DOCK4: variants seen among roughly 807,000 people sequenced by gnomAD.
DOCK4 encodes dedicator of cytokinesis 4, also known as dedicator of cytokinesis protein 4.
Under a neutral mutation model 268.1 loss-of-function variants are expected in DOCK4, and 97 were observed. That is an observed-to-expected ratio of 0.36 (90% CI 0.31 to 0.43). The LOEUF is 0.43. DOCK4 is among the 20% of genes least tolerant of loss of function. The pLI, the probability that DOCK4 is intolerant of heterozygous loss-of-function variation, is 1.00. For synonymous variants in DOCK4, 954 were observed against 887.2 expected, an observed-to-expected ratio of 1.08 and a Z score of -1.34; for missense variants, 2,145 against 2,455.7, an observed-to-expected ratio of 0.87 and a Z score of 2.67.
chr7:112,066,497 CCTCTCTCTCT>C (rs750323799), intron 1 of DOCK4, among the ~76,000 whole-genome samples: 1 of 129,964 alleles, frequency 7.7e-6, no homozygotes, highest in Non-Finnish European at 1.5e-5. Flanking sequence ...TCTCTCTCTC[CCTCTCTCTCT>C]CTCTCTATAT....
rs140726249 is a variant in DOCK4, at chr7:112,037,303, A to G, written c.38-33172T>C. On this transcript the variant is annotated intron_variant, in intron 1 of 52. Transcript: ENST00000428084. ...ATTAAATACATTTTCAACTTAAGAT[A>G]TTTTTACTGTACGATGGGTTTGTCA... Among the ~76,000 whole-genome samples, 681 of 152,292 alleles carry G rather than the reference A, an allele frequency of 4.5e-3. 8 individuals carry two copies. Among genetic ancestry groups the G allele is most frequent in the African/African-American group, 0.016 (646 of 41,552 alleles).
rs1794773998 is a variant in DOCK4, at chr7:111,728,188, A to G, written c.*86T>C. The G allele has an allele frequency of 3.9e-6, 4 of 1,027,126 alleles. No individual in the cohort carries two copies. The highest frequency in any genetic ancestry group is 5.2e-6 in the Non-Finnish European group (4 of 772,160). 63.6% of individuals were successfully genotyped at this position (1,027,126 alleles called of 1,614,324 possible). On this transcript the variant is annotated 3_prime_UTR_variant, in exon 53 of 53. Coordinates refer to ENST00000428084, the MANE Select transcript of DOCK4 (RefSeq NM_001363540.2). Reference sequence around the variant, plus strand: ...CATCGAAGGAGCTGAGTAAGTTATTAAAGTGCCTACACTAAATGTCTTCTC... The same window carrying G: ...CATCGAAGGAGCTGAGTAAGTTATTGAAGTGCCTACACTAAATGTCTTCTC...
At position 111,765,167 on chromosome 7, in the gene DOCK4, T is replaced by C; in HGVS notation, c.3971A>G (p.Glu1324Gly). 6.4e-7 allele frequency: 1 copy of C among 1,554,442 alleles called. No individual in the cohort carries two copies. Among genetic ancestry groups the C allele is most frequent in the East Asian group, 2.4e-5 (1 of 42,504 alleles). Residue 1324 changes from glutamate (E) to glycine (G), a missense_variant, in exon 39 of 53, where the codon GAG (glutamate) becomes GGG (glycine). This residue lies in a region of DOCK4 where 1,598 missense variants were observed against 1,986.7 expected (regional missense o/e 0.80). Transcript: ENST00000428084. ...KIMDQQRLEP[E>G]FFRVGFYGKK... Reference sequence around the variant, plus strand: ...TCCATAAAATCCAACTCTGAAGAACTCTGGTTCAAGACGTTGCTGGTCCAT... The same window carrying C: ...TCCATAAAATCCAACTCTGAAGAACCCTGGTTCAAGACGTTGCTGGTCCAT...
chr7:111,899,760 T>C (rs1206374778), intron 15 of DOCK4, among the ~76,000 whole-genome samples: 1 of 152,044 alleles, frequency 6.6e-6, no homozygotes, highest in African/African-American at 2.4e-5. Context: ...CCGCCTGTAA[T>C]AAAAATACAA....
chr7:111,751,280 G>A (rs1051679375), intron 42 of DOCK4, among the ~76,000 whole-genome samples: 3 of 151,960 alleles, frequency 2.0e-5, no homozygotes, highest in African/African-American at 4.8e-5. Flanking sequence ...CCACACATAC[G>A]GAAACATTTC....
At chr7:112,166,863 G>A (rs991386803) in intron 1 of DOCK4, among the ~76,000 whole-genome samples, 12 of 151,222 alleles carry the variant, frequency 7.9e-5, no homozygotes, top group Admixed American at 2.0e-4. Context: ...ACAGAGTCTC[G>A]CCATGTTGCC....
chr7:111,800,044 G>A (rs1465856908), intron 30 of DOCK4, among the ~76,000 whole-genome samples: 2 of 152,110 alleles, frequency 1.3e-5, no homozygotes, highest in Non-Finnish European at 2.9e-5. Flanking sequence ...ACTCAAGGTT[G>A]TTTTGGTTAT....
At chr7:111,911,071 C>A (rs1478094230) in intron 13 of DOCK4, among the ~76,000 whole-genome samples, 1 of 152,216 alleles carries the variant, frequency 6.6e-6, no homozygotes, top group Non-Finnish European at 1.5e-5. Context: ...ATAATTCATT[C>A]TGCAGAGAGG....
chr7:111,741,440 A>G (rs1401059711), intron 46 of DOCK4, 100 bp downstream of exon 46: 2 of 1,513,238 alleles, frequency 1.3e-6, no homozygotes, highest in East Asian at 4.6e-5. Context: ...TCATTAAGAA[A>G]TAGCGTATTT....
At chr7:112,171,192 C>T (rs1177334643) in intron 1 of DOCK4, among the ~76,000 whole-genome samples, 1 of 152,098 alleles carries the variant, frequency 6.6e-6, no homozygotes, top group African/African-American at 2.4e-5. Context: ...TATCTCATTG[C>T]CAAGGCTGAA....
At chr7:111,768,953 G>A (rs1035314917) in intron 37 of DOCK4, among the ~76,000 whole-genome samples, 1 of 152,132 alleles carries the variant, frequency 6.6e-6, no homozygotes, top group Non-Finnish European at 1.5e-5. Context: ...ATTAGGTCAT[G>A]AGGGTAGAGC....
intron 16 of DOCK4, among the ~76,000 whole-genome samples, chr7:111,878,132 G>T (rs1364478587): frequency 6.6e-6 from 1 of 152,190 alleles, no homozygotes; most frequent in Admixed American, 6.5e-5. Flanking sequence ...AAAGATGGGG[G>T]TTTGCTGTAA....
chr7:111,747,274 T>C lies in DOCK4; in HGVS notation c.4586A>G (p.Tyr1529Cys). 3 of 1,612,738 alleles carry C rather than the reference T, an allele frequency of 1.9e-6. No homozygotes were observed. The highest frequency in any genetic ancestry group is 2.5e-6 in the Non-Finnish European group (3 of 1,179,482). The change falls in exon 43 of 53, where the codon TAT (tyrosine) becomes TGT (cysteine). Residue 1529 changes from tyrosine (Y) to cysteine (C), a missense_variant. Around this residue, in one of 2 missense-constraint regions of DOCK4, gnomAD observed 1,598 missense variants for 1,986.7 expected, o/e 0.80. Transcript: ENST00000428084. ...ACAATACCTAATCCTTACCTCTTGA[T>C]ACCTGGAAACGCCACCATTAACTGC... Reference protein sequence around the residue: ...DAAVNGGVSRYQEAFFVKEYI... With the variant: ...DAAVNGGVSRCQEAFFVKEYI...
chr7:111,756,353 A>AAATT (rs1585888209), intron 41 of DOCK4, among the ~76,000 whole-genome samples: 1 of 151,910 alleles, frequency 6.6e-6, no homozygotes, highest in East Asian at 1.9e-4. Context: ...CTTCTCAAAA[A>AAATT]AATTATTTTT....
chr7:111,897,067 G>A (rs770901146), intron 15 of DOCK4, among the ~76,000 whole-genome samples: 1 of 152,052 alleles, frequency 6.6e-6, no homozygotes, highest in African/African-American at 2.4e-5. Context: ...TCCTACGCAT[G>A]ACCATAGCTC....
At position 111,900,356 on chromosome 7, in the gene DOCK4, A is replaced by T; in HGVS notation, c.1480+18T>A. The T allele has an allele frequency of 1.2e-6, 2 of 1,610,384 alleles. No homozygotes were observed. The highest frequency in any genetic ancestry group is 1.7e-6 in the Non-Finnish European group (2 of 1,178,236). On this transcript the variant is annotated intron_variant, in intron 15 of 52. Coordinates refer to ENST00000428084, the MANE Select transcript of DOCK4 (RefSeq NM_001363540.2). ...CCAGCACAATAGACACAGGTAGCCA[A>T]TGCCACCAAACACTTACTGGAACAA...
chr7:111,872,322 C>T lies in DOCK4; in HGVS notation c.1873G>A (p.Gly625Arg), dbSNP rs756500619. 2.6e-6 allele frequency: 4 copies of T among 1,560,008 alleles called. No individual in the cohort carries two copies. The South Asian group carries it at 4.8e-5, about 19-fold the overall frequency. The change falls in exon 19 of 53, where the codon GGA (glycine) becomes AGA (arginine). Residue 625 changes from glycine (G) to arginine (R), a missense_variant. Transcript: ENST00000428084. ...TTTTGGGAATTTTCATCTAAAATTC[C>T]AAATAAGGTATCCAGTGTATCCTGC... ...FLQDTLDTLF[G>R]ILDENSQKYG...
At chr7:112,124,581 T>C (rs1813045763) in intron 1 of DOCK4, among the ~76,000 whole-genome samples, 2 of 152,184 alleles carry the variant, frequency 1.3e-5, no homozygotes, top group African/African-American at 4.8e-5. Context: ...GTGTAATAAG[T>C]GAAGAGAGGC....
chr7:112,097,660 T>C (rs1327512844), intron 1 of DOCK4, among the ~76,000 whole-genome samples: 1 of 152,244 alleles, frequency 6.6e-6, no homozygotes, highest in African/African-American at 2.4e-5. Context: ...TAGTCACACA[T>C]ACTTTTGTTA....
Sources: allele counts gnomAD v4.1 joint callset (sites outside exome capture counted in the v4.1 genomes callset), GRCh38; gene constraint gnomAD v4.1.1; regional missense constraint gnomAD v4.1.1; transcripts MANE v1.5; gene names NCBI Gene and HGNC (gene_info 2026-07-23, HGNC 2026-07-21).